ANKRD6: variants seen among roughly 807,000 people sequenced by gnomAD.
ANKRD6 encodes the protein ankyrin repeat domain-containing protein 6.
A neutral mutation model predicts 82.3 loss-of-function variants in ANKRD6; 56 were observed. The observed-to-expected ratio is 0.68, with a 90% CI of 0.55 to 0.85. The LOEUF (loss-of-function observed/expected upper bound fraction) is 0.85. Ranked by LOEUF, ANKRD6 falls within the 40% of genes least tolerant of loss-of-function variation. The pLI is 0.00. For synonymous variants in ANKRD6, 347 were observed against 352.1 expected (o/e 0.99, Z 0.16); for missense variants, 852 against 907.6 (o/e 0.94, Z 0.79).
chr6:89,524,508 C>T (rs548606192), intron 1 of ANKRD6, among the ~76,000 whole-genome samples: 11 of 152,186 alleles, frequency 7.2e-5, no homozygotes, highest in East Asian at 3.9e-4. Context: ...AACAAAATAA[C>T]GACATTCGCA....
At chr6:89,480,787 T>C (rs981545726) in intron 1 of ANKRD6, among the ~76,000 whole-genome samples, 1 of 143,842 alleles carries the variant, frequency 7.0e-6, no homozygotes, top group East Asian at 2.0e-4. Flanking sequence ...TTTTTTTTTG[T>C]TTTTTTTTGC....
chr6:89,618,371 A>G (rs1266042721), intron 9 of ANKRD6: 4 of 593,614 alleles, frequency 6.7e-6, no homozygotes, highest in Non-Finnish European at 1.2e-5. Flanking sequence ...TTTAGGCCAA[A>G]TGCCCATCCC....
At chr6:89,562,559 C>T (rs1787601986) in intron 1 of ANKRD6, 1 of 152,142 alleles carries the variant, frequency 6.6e-6, no homozygotes, top group South Asian at 2.1e-4. Context: ...TGAATTGTTC[C>T]CTGACTTCAA....
At chr6:89,539,563 A>G (rs1784226438) in intron 1 of ANKRD6, among the ~76,000 whole-genome samples, 1 of 152,042 alleles carries the variant, frequency 6.6e-6, no homozygotes, top group South Asian at 2.1e-4. Flanking sequence ...GTCTGTATAT[A>G]TATTTATGAG....
In ANKRD6 at chr6:89,623,956, A is replaced by G; in HGVS notation, c.1117A>G (p.Lys373Glu). 1 of 1,613,852 alleles carries G rather than the reference A, an allele frequency of 6.2e-7. No individual in the cohort carries two copies. The highest frequency in any genetic ancestry group is 2.2e-5 in the East Asian group (1 of 44,870). The stretch of plus-strand genomic sequence containing the variant: ...CCTGCATGCTCATAATCACCCTAAA[A>G]AGAGGAACAGGCATCGGTGTTCATC... ...KNLHAHNHPK[K>E]RNRHRCSSPP... Residue 373 changes from lysine to glutamate, a missense_variant, in exon 12 of 16, where the codon AAG (lysine) becomes GAG (glutamate). Coordinates refer to ENST00000339746, the MANE Select transcript of ANKRD6 (RefSeq NM_001242809.2).
chr6:89,571,179 G>A (rs921054516), intron 2 of ANKRD6, among the ~76,000 whole-genome samples: 1 of 152,130 alleles, frequency 6.6e-6, no homozygotes, highest in Non-Finnish European at 1.5e-5. Context: ...AGCCTCCTGA[G>A]TAGCTGGGAC....
chr6:89,462,392 T>C (rs1774290532), intron 1 of ANKRD6, among the ~76,000 whole-genome samples: 1 of 152,022 alleles, frequency 6.6e-6, no homozygotes, highest in Non-Finnish European at 1.5e-5. Context: ...AATAAACAGT[T>C]TTTTCCAGAC....
intron 1 of ANKRD6, among the ~76,000 whole-genome samples, chr6:89,520,580 G>A (rs1781771513): frequency 6.6e-6 from 1 of 152,208 alleles, no homozygotes; most frequent in Non-Finnish European, 1.5e-5. Context: ...GGTGGGATGT[G>A]GTGTTCAGAT....
rs115242384 is a variant in ANKRD6 at position 89,543,277 on chromosome 6, A to G, written c.-143-23557A>G. On this transcript the variant is annotated intron_variant, in intron 1 of 15. Coordinates refer to ENST00000339746, the MANE Select transcript of ANKRD6 (RefSeq NM_001242809.2). ...CTTAAGAAAAGGAAGACCTATAGATATTATTTTTCTGTGGAGGGTGTTCTG... is the reference window on the plus strand; with the variant it reads ...CTTAAGAAAAGGAAGACCTATAGATGTTATTTTTCTGTGGAGGGTGTTCTG... 5.8e-3 allele frequency among the ~76,000 whole-genome samples: 876 copies of G among 152,296 alleles called. 9 individuals carry two copies. The highest frequency in any genetic ancestry group is 0.019 in the African/African-American group (795 of 41,560).
At chr6:89,552,371 C>T (rs1785974509) in intron 1 of ANKRD6, among the ~76,000 whole-genome samples, 1 of 152,186 alleles carries the variant, frequency 6.6e-6, no homozygotes, top group African/African-American at 2.4e-5. Context: ...CAGGGCCTCC[C>T]TGATGGCCAG....
chr6:89,574,370 C>T (rs191716161), intron 2 of ANKRD6, among the ~76,000 whole-genome samples: 16 of 152,302 alleles, frequency 1.1e-4, no homozygotes, highest in South Asian at 4.1e-4. Context: ...AAATCATCCC[C>T]GCCTCAGAAC....
At chr6:89,478,401 C>G (rs1455469218) in intron 1 of ANKRD6, 1 of 151,996 alleles carries the variant, frequency 6.6e-6, no homozygotes, top group East Asian at 1.9e-4. Context: ...CCACTGCACT[C>G]TAGTCTGGGC....
intron 1 of ANKRD6, among the ~76,000 whole-genome samples, chr6:89,481,570 A>G (rs1776812157): frequency 6.6e-6 from 1 of 152,236 alleles, no homozygotes; most frequent in African/African-American, 2.4e-5. Flanking sequence ...TTTTATGTGT[A>G]ACACATGTCA....
At chr6:89,552,452 G>A (rs1785984422) in intron 1 of ANKRD6, among the ~76,000 whole-genome samples, 1 of 152,164 alleles carries the variant, frequency 6.6e-6, no homozygotes, top group Admixed American at 6.5e-5. Flanking sequence ...CAGTGCTGAA[G>A]CCAAATACTG....
chr6:89,541,535 G>A (rs1208487245), intron 1 of ANKRD6, among the ~76,000 whole-genome samples: 1 of 151,444 alleles, frequency 6.6e-6, no homozygotes, highest in Non-Finnish European at 1.5e-5. Context: ...TGGGATTACA[G>A]GCACCCACCA....
chr6:89,630,408 AC>A (rs759129061), intron 15 of ANKRD6, 24 bp from the exon 16 acceptor site: 21 of 1,591,476 alleles, frequency 1.3e-5, no homozygotes, highest in Middle Eastern at 1.7e-4. Context: ...ATTTGCTCTC[AC>A]GTTTGTTTTC....
rs921346997 is a variant in ANKRD6, at chr6:89,631,324, G to C, written c.*320G>C. On this transcript the variant is annotated 3_prime_UTR_variant, in exon 16 of 16. Coordinates refer to ENST00000339746, the MANE Select transcript of ANKRD6 (RefSeq NM_001242809.2). ...AGAAACTGGACGATGTGTAAGCCTA[G>C]ACTCTAAAATTCAAGATGTGTGAAA... 4 of 214,612 alleles carry C rather than the reference G, an allele frequency of 1.9e-5. No homozygotes were observed. The highest frequency in any genetic ancestry group is 9.2e-5 in the African/African-American group (4 of 43,442). The allele number at this position is 214,612 out of a possible 1,614,324, so 13.3% of individuals were successfully genotyped here.
At chr6:89,575,876 G>T (rs1485942467) in intron 2 of ANKRD6, among the ~76,000 whole-genome samples, 2 of 152,298 alleles carry the variant, frequency 1.3e-5, no homozygotes, top group East Asian at 3.9e-4. Context: ...CTCCTAGTGG[G>T]TGGTTCCAGT....
At chr6:89,567,194 A>G in intron 2 of ANKRD6, 98 bp downstream of exon 2, 1 of 1,456,662 alleles carries the variant, frequency 6.9e-7, no homozygotes, top group Non-Finnish European at 9.2e-7. Flanking sequence ...CAGCTTTCAA[A>G]GAACTGGCTT....
Sources: allele counts gnomAD v4.1 joint callset (sites outside exome capture counted in the v4.1 genomes callset), GRCh38; gene constraint gnomAD v4.1.1; transcripts MANE v1.5; gene names NCBI Gene and HGNC (gene_info 2026-07-23, HGNC 2026-07-21).